The following TPRN variants were observed in gnomAD, a reference collection of about 807,000 sequenced individuals.
The protein encoded by TPRN is taperin, also known as chromosome 9 open reading frame 75.
Under a neutral mutation model 42.6 loss-of-function variants are expected in TPRN, and 32 were observed. The ratio of observed to expected loss-of-function variants is 0.75; its 90% CI spans 0.57 to 1.01. TPRN has a LOEUF of 1.01. Ranked by LOEUF, TPRN falls within the 50% of genes least tolerant of loss-of-function variation. The pLI, the probability that TPRN is intolerant of heterozygous loss-of-function variation, is 0.00. For missense variants in TPRN, 1,095 were observed against 957.5 expected (o/e 1.14, Z -1.90); for synonymous variants, 541 against 445.6 (o/e 1.21, Z -2.70).
At position 137,192,462 on chromosome 9, in the gene TPRN, T is replaced by C; in HGVS notation, c.1955A>G (p.Glu652Gly). Residue 652 changes from glutamate (E) to glycine (G), a missense_variant, in exon 2 of 4, where the codon GAG (glutamate) becomes GGG (glycine). By Grantham distance (98) the Glu-to-Gly change is moderately conservative. Transcript: ENST00000409012. The part of the protein sequence containing the change: ...SVRPESSRLP[E>G]GSSGLSSYTP... ...AGGTGGGCACTCACCTGAGCTACCC[T>C]CTGGCAGCCGAGAGCTCTCGGGTCT... The C allele has an allele frequency of 6.2e-7, 1 of 1,606,498 alleles. No homozygotes were observed. The highest frequency in any genetic ancestry group is 8.5e-7 in the Non-Finnish European group (1 of 1,176,976).
Position 137,200,184 on chromosome 9 carries a change from C to A in TPRN, c.528G>T (p.Pro176=), listed in dbSNP as rs1834783226. 15 of 1,016,812 alleles carry A rather than the reference C, an allele frequency of 1.5e-5. No homozygotes were observed. Among genetic ancestry groups the A allele is most frequent in the African/African-American group, 1.8e-5 (1 of 55,572 alleles). 63.0% of individuals were successfully genotyped at this position (1,016,812 alleles called of 1,614,324 possible). ...PPRPPPAAPS[P]PAAPGPRGGG... ...CACCGCGGGGCCCGGGCGCGGCGGG[C>A]GGGCTGGGGGCCGCGGGCGGGGGCC... The change falls in exon 1 of 4, where the codon CCG becomes CCT. Residue 176 remains proline (P), a synonymous_variant. Transcript: ENST00000409012. The surrounding 1 kb of genome is among the most constrained non-coding windows in gnomAD (Gnocchi z 4.3).
At chr9:137,195,281 GGCCCC>G (rs1834689460) in intron 1 of TPRN, 1 of 152,450 alleles carries the variant, frequency 6.6e-6, no homozygotes, top group Admixed American at 6.5e-5. Flanking sequence ...AGTCAAGTGT[GGCCCC>G]AGCGCCAGGC....
chr9:137,196,912 G>A (rs1403511546), intron 1 of TPRN, among the ~76,000 whole-genome samples: 2 of 152,198 alleles, frequency 1.3e-5, no homozygotes, highest in Non-Finnish European at 2.9e-5. Context: ...GCCATGCCAG[G>A]TATCGTCCAT....
In TPRN at chr9:137,200,462, G is replaced by A. The variant is rs1315126739; in HGVS notation, c.250C>T (p.Arg84Cys). ...AAGARLLERY[R>C]RVPGVRALRA... ...AGGGCGCGCACGCCAGGCACGCGGCGGTACCGCTCCAGCAGCCGCGCCCCC... is the reference window on the plus strand; with the variant it reads ...AGGGCGCGCACGCCAGGCACGCGGCAGTACCGCTCCAGCAGCCGCGCCCCC... Residue 84 changes from arginine (R) to cysteine (C), a missense_variant, in exon 1 of 4, where the codon CGC becomes TGC. By Grantham distance (180) the Arg-to-Cys change is radical. Transcript: ENST00000409012. The surrounding 1 kb of genome is among the most constrained non-coding windows in gnomAD (Gnocchi z 4.3). The A allele has an allele frequency of 2.7e-6, 3 of 1,118,954 alleles. No individual in the cohort carries two copies. The highest frequency in any genetic ancestry group is 1.7e-5 in the African/African-American group (1 of 59,066). 69.3% of individuals were successfully genotyped at this position (1,118,954 alleles called of 1,614,324 possible). A position where few individuals can be genotyped will look rare whatever the true frequency, so the allele number is the denominator to read the frequency against.
In TPRN at chr9:137,192,322, C is replaced by T; in HGVS notation, c.2010G>A (p.Lys670=). The T allele has an allele frequency of 1.2e-6, 2 of 1,613,070 alleles. No homozygotes were observed. Among genetic ancestry groups the T allele is most frequent in the Non-Finnish European group, 1.7e-6 (2 of 1,180,030 alleles). The change falls in exon 3 of 4, where the codon AAG becomes AAA. Residue 670 remains lysine (K), a synonymous_variant. Coordinates refer to ENST00000409012, the MANE Select transcript of TPRN (RefSeq NM_001128228.3). ...CCTGCTCCAGCGCCTGCTCCTGCCA[C>T]TTGCTGAAGGCCACAGAGTGCTTCG... The part of the protein sequence containing the change: ...YTPKHSVAFS[K]WQEQALEQAP...
intron 2 of TPRN, 26 bp from the exon 3 acceptor site, chr9:137,192,391 C>A: frequency 6.2e-7 from 1 of 1,612,682 alleles, no homozygotes; most frequent in Non-Finnish European, 8.5e-7. Context: ...CACATGCAGA[C>A]GTGGACACAG....
chr9:137,196,672 C>T (rs1423767729), intron 1 of TPRN, among the ~76,000 whole-genome samples: 1 of 152,232 alleles, frequency 6.6e-6, no homozygotes, highest in African/African-American at 2.4e-5. Flanking sequence ...GCACCCCCAC[C>T]AGTGAGTGCT....
At chr9:137,192,971 C>T (rs1452102871) in intron 1 of TPRN, 1 of 506,830 alleles carries the variant, frequency 2.0e-6, no homozygotes, top group African/African-American at 1.9e-5. Context: ...CCAGAAGCCT[C>T]TAGACCAGCT....
At position 137,199,014 on chromosome 9, in the gene TPRN, G is replaced by A. The variant is rs761522849; in HGVS notation, c.1698C>T (p.Leu566=). The A allele has an allele frequency of 3.2e-5, 52 of 1,612,966 alleles. No individual in the cohort carries two copies. Among genetic ancestry groups the A allele is most frequent in the Non-Finnish European group, 4.1e-5 (48 of 1,180,014 alleles). ...GGYLALQKSC[L]TKAGSSRKKM... is the part of the protein sequence containing the mutation. ...TCTTTCTTGAGGAGCCAGCCTTGGT[G>A]AGGCAGGACTTCTGCAGGGCCAGGT... is the stretch of plus-strand genomic sequence containing the variant. Residue 566 remains leucine (L), a synonymous_variant, in exon 1 of 4, where the codon CTC becomes CTT. Coordinates refer to ENST00000409012, the MANE Select transcript of TPRN (RefSeq NM_001128228.3).
chr9:137,196,309 C>G (rs1834704525), intron 1 of TPRN, among the ~76,000 whole-genome samples: 1 of 152,194 alleles, frequency 6.6e-6, no homozygotes, highest in Admixed American at 6.5e-5. Flanking sequence ...AGGCTGGGGT[C>G]AGCACGGTGG....
In TPRN at chr9:137,200,436, G is replaced by T. The variant is rs1176910904; in HGVS notation, c.276C>A (p.Leu92=). ...CGATGATGAGGACGCTGTCGGCGCG[G>T]AGGGCGCGCACGCCAGGCACGCGGC... is the stretch of plus-strand genomic sequence containing the variant. The part of the protein sequence containing the change: ...RYRRVPGVRA[L]RADSVLIIET... Residue 92 remains leucine (L), a synonymous_variant, in exon 1 of 4, where the codon CTC becomes CTA. Transcript: ENST00000409012. This position sits in a 1 kb window ranked among gnomAD's most constrained non-coding sequence, Gnocchi z 4.3. 5 of 1,121,874 alleles carry T rather than the reference G, an allele frequency of 4.5e-6. No homozygotes were observed. In the African/African-American group the frequency reaches 5.1e-5, roughly 11 times the overall value. 69.5% of individuals were successfully genotyped at this position (1,121,874 alleles called of 1,614,324 possible). A position where few individuals can be genotyped will look rare whatever the true frequency, so the allele number is the denominator to read the frequency against.
intron 1 of TPRN, 171 bp from the exon 2 acceptor site, chr9:137,192,862 C>T: frequency 2.9e-6 from 2 of 678,682 alleles, no homozygotes; most frequent in South Asian, 1.8e-5. Context: ...CTGGACCCTG[C>T]AGGCGTCCAT....
Position 137,191,742 on chromosome 9 carries a change from C to T in TPRN, c.*370G>A. ...GCAGAGGACAAGTAGCTGGGACAGCCCTTCACCCCGACACCCCATGGCCAC... is the reference window on the plus strand; with the variant it reads ...GCAGAGGACAAGTAGCTGGGACAGCTCTTCACCCCGACACCCCATGGCCAC... On this transcript the variant is annotated 3_prime_UTR_variant, in exon 4 of 4. Coordinates refer to ENST00000409012, the MANE Select transcript of TPRN (RefSeq NM_001128228.3). 1 of 390,238 alleles carries T rather than the reference C, an allele frequency of 2.6e-6. No individual in the cohort carries two copies. The highest frequency in any genetic ancestry group is 4.9e-6 in the Non-Finnish European group (1 of 203,130). 24.2% of individuals were successfully genotyped at this position (390,238 alleles called of 1,614,324 possible).
Position 137,199,327 on chromosome 9 carries a change from T to G in TPRN, c.1385A>C (p.Asp462Ala). ...GGCTGCTTGGGGGGCCTCCTCCGAG[T>G]CTACCTCATCGATGAAGGTGACAGG... ...GLPVTFIDEV[D>A]SEEAPQAAKL... Residue 462 changes from aspartate (D) to alanine (A), a missense_variant, in exon 1 of 4, where the codon GAC (aspartate) becomes GCC (alanine). Asp to Ala is a moderately radical substitution (Grantham distance 126). Transcript: ENST00000409012. The G allele has an allele frequency of 6.2e-7, 1 of 1,612,428 alleles. No individual in the cohort carries two copies.
In TPRN at chr9:137,199,871, G is replaced by C. The variant is rs184862728; in HGVS notation, c.841C>G (p.Pro281Ala). 1.3e-6 allele frequency: 2 copies of C among 1,547,376 alleles called. No individual in the cohort carries two copies. Among genetic ancestry groups the C allele is most frequent in the Non-Finnish European group, 1.7e-6 (2 of 1,144,400 alleles). ...TPASPPASAT[P>A]SQRQCVSAAT... ...GCGGAGACGCACTGGCGCTGGCTAG[G>C]AGTGGCACTGGCAGGGGGTGAGGCT... is the stretch of plus-strand genomic sequence containing the variant. Residue 281 changes from proline (P) to alanine (A), a missense_variant, in exon 1 of 4, where the codon CCT becomes GCT. Transcript: ENST00000409012.
chr9:137,199,965 C>T lies in TPRN; in HGVS notation c.747G>A (p.Lys249=). Residue 249 remains lysine (K), a synonymous_variant, in exon 1 of 4, where the codon AAG becomes AAA. Transcript: ENST00000409012. ...AGSPPGSGQW[K]PKVESGDPSL... ...AGGGATCCCCCGACTCCACCTTTGG[C>T]TTCCACTGTCCCGACCCAGGCGGGG... 2.7e-6 allele frequency: 4 copies of T among 1,480,330 alleles called. No homozygotes were observed. Among genetic ancestry groups the T allele is most frequent in the Non-Finnish European group, 3.6e-6 (4 of 1,116,288 alleles). 91.7% of individuals were successfully genotyped at this position (1,480,330 alleles called of 1,614,324 possible).
chr9:137,200,717 G>A lies in TPRN; in HGVS notation c.-6C>T. 8.7e-6 allele frequency: 10 copies of A among 1,154,512 alleles called. No individual in the cohort carries two copies. The highest frequency in any genetic ancestry group is 5.1e-5 in the East Asian group (1 of 19,724). The allele number at this position is 1,154,512 out of a possible 1,614,324, so 71.5% of individuals were successfully genotyped here. Reference sequence around the variant, plus strand: ...GGCCGCCCCAGGGCGGCCATGCTGCGAACGCGGCAGCGGACGGCTGGACTG... The same window carrying A: ...GGCCGCCCCAGGGCGGCCATGCTGCAAACGCGGCAGCGGACGGCTGGACTG... On this transcript the variant is annotated 5_prime_UTR_variant, in exon 1 of 4. Transcript: ENST00000409012. The surrounding 1 kb of genome is among the most constrained non-coding windows in gnomAD (Gnocchi z 4.3).
chr9:137,199,040 A>G lies in TPRN; in HGVS notation c.1672T>C (p.Tyr558His). 1 of 1,613,170 alleles carries G rather than the reference A, an allele frequency of 6.2e-7. No homozygotes were observed. The highest frequency in any genetic ancestry group is 1.1e-5 in the South Asian group (1 of 91,088). ...AGGCAGGACTTCTGCAGGGCCAGGT[A>G]GCCGCCAATCACCTCGATCTCATGC... ...TVHEIEVIGG[Y>H]LALQKSCLTK... The change falls in exon 1 of 4, where the codon TAC becomes CAC. Residue 558 changes from tyrosine to histidine, a missense_variant. Coordinates refer to ENST00000409012, the MANE Select transcript of TPRN (RefSeq NM_001128228.3).
At position 137,200,376 on chromosome 9, in the gene TPRN, G is replaced by GGCGGGCGGC. The variant is rs1349683656; in HGVS notation, c.327_335dup (p.Pro111_Pro113dup). On this transcript the variant is annotated inframe_insertion, in exon 1 of 4. Coordinates refer to ENST00000409012, the MANE Select transcript of TPRN (RefSeq NM_001128228.3). This position sits in a 1 kb window ranked among gnomAD's most constrained non-coding sequence, Gnocchi z 4.3. ...CGGCGCGGATCTGCGCGGCCCCCGG[G>GGCGGGCGGC]GCGGGCGGCGCGGGCGGGAAGCCGG... 3 of 1,079,222 alleles carry GGCGGGCGGC rather than the reference G, an allele frequency of 2.8e-6. No homozygotes were observed. The highest frequency in any genetic ancestry group is 3.4e-6 in the Non-Finnish European group (3 of 894,302). The allele number at this position is 1,079,222 out of a possible 1,614,324, so 66.9% of individuals were successfully genotyped here.
Sources: gnomAD v4.1 joint callset for allele counts (sites outside exome capture counted in the v4.1 genomes callset) on GRCh38, gnomAD v4.1.1 for gene constraint, Gnocchi (gnomAD v3.1) non-coding constraint, MANE v1.5 for transcripts, NCBI Gene and HGNC (gene_info 2026-07-23, HGNC 2026-07-21) for gene names.